The following ETV5 variants were observed in gnomAD, a reference collection of about 807,000 sequenced individuals.
ETV5 encodes ETS translocation variant 5.
In ETV5, 10 loss-of-function variants were observed where a neutral mutation model predicts 70.0. The observed-to-expected ratio is 0.14, with a 90% CI of 0.09 to 0.24. The LOEUF (loss-of-function observed/expected upper bound fraction) is 0.24. Among genes scored for constraint, ETV5 ranks in the 10% least tolerant of loss-of-function variants. The pLI is 1.00. For missense variants in ETV5, 453 were observed against 651.2 expected (o/e 0.70, Z 3.31); for synonymous variants, 216 against 242.2 (o/e 0.89, Z 1.01).
intron 7 of ETV5, among the ~76,000 whole-genome samples, chr3:186,070,371 T>C (rs1713602155): frequency 6.6e-6 from 1 of 152,198 alleles, no homozygotes. Flanking sequence ...CCTTCCAGAA[T>C]GAAACTCTAG....
At position 186,108,920 on chromosome 3, in the gene ETV5, C is replaced by G. The variant is rs950510007; in HGVS notation, c.-75+20G>C. The stretch of plus-strand genomic sequence containing the variant: ...GACGCCCCTTCCGATCTCCCCCCTG[C>G]CCCCGCAAAGCCCCCTCACCTGAGG... On this transcript the variant is annotated intron_variant, in intron 1 of 12. Transcript: ENST00000306376. 6.0e-6 allele frequency: 1 copy of G among 167,738 alleles called. No individual in the cohort carries two copies. Among genetic ancestry groups the G allele is most frequent in the East Asian group, 1.9e-4 (1 of 5,246 alleles). 10.4% of individuals were successfully genotyped at this position (167,738 alleles called of 1,614,324 possible).
At chr3:186,096,752 T>A (rs1019153355) in intron 5 of ETV5, among the ~76,000 whole-genome samples, 1 of 152,150 alleles carries the variant, frequency 6.6e-6, no homozygotes, top group Non-Finnish European at 1.5e-5. Context: ...ATCATTACTA[T>A]TAAGTTTTGT....
chr3:186,049,912 G>A (rs556256535), intron 12 of ETV5, among the ~76,000 whole-genome samples: 6 of 152,210 alleles, frequency 3.9e-5, no homozygotes, highest in African/African-American at 1.4e-4. Flanking sequence ...TCCAGTCCTG[G>A]TTTAGTCACT....
At chr3:186,056,926 G>A (rs1578537698) in intron 11 of ETV5, 149 bp downstream of exon 11, 3 of 746,618 alleles carry the variant, frequency 4.0e-6, no homozygotes, top group Non-Finnish European at 6.4e-6. Flanking sequence ...ATTAATAGGA[G>A]GGATACAGCC....
At chr3:186,067,110 C>T (rs185177763) in intron 7 of ETV5, among the ~76,000 whole-genome samples, 8 of 152,146 alleles carry the variant, frequency 5.3e-5, no homozygotes, top group East Asian at 1.9e-4. Flanking sequence ...ACCTGGCCAA[C>T]GTGCCAAAAC....
At chr3:186,103,510 C>A (rs1036965307) in intron 5 of ETV5, among the ~76,000 whole-genome samples, 8 of 152,244 alleles carry the variant, frequency 5.3e-5, no homozygotes, top group African/African-American at 1.9e-4. Context: ...AAGAAAGCCA[C>A]CTCCCAAACA....
chr3:186,063,032 G>A (rs566484490), intron 9 of ETV5, among the ~76,000 whole-genome samples: 1 of 152,334 alleles, frequency 6.6e-6, no homozygotes, highest in Admixed American at 6.5e-5. Flanking sequence ...AGCACTTTGG[G>A]AGGCCGAGGC....
chr3:186,099,088 T>A (rs542713949), intron 5 of ETV5, among the ~76,000 whole-genome samples: 1 of 152,248 alleles, frequency 6.6e-6, no homozygotes, highest in Non-Finnish European at 1.5e-5. Context: ...TTATTTTCTA[T>A]GCAGAGTCCT....
intron 5 of ETV5, among the ~76,000 whole-genome samples, chr3:186,090,185 A>G (rs775020947): frequency 1.3e-5 from 2 of 152,254 alleles, no homozygotes; most frequent in Non-Finnish European, 2.9e-5. Context: ...ATACGTCGAC[A>G]AATGAAGAAA....
chr3:186,105,984 A>G lies in ETV5; in HGVS notation c.-74-42T>C, dbSNP rs753121456. On this transcript the variant is annotated intron_variant, in intron 1 of 12. Coordinates refer to ENST00000306376, the MANE Select transcript of ETV5 (RefSeq NM_004454.3). This position sits in a 1 kb window ranked among gnomAD's most constrained non-coding sequence, Gnocchi z 4.5. Reference sequence around the variant, plus strand: ...GGAGATTTTAACTAAGAGGGGGGAAAAAAAGAAATGAAACAATTTTAGACT... The same window carrying G: ...GGAGATTTTAACTAAGAGGGGGGAAGAAAAGAAATGAAACAATTTTAGACT... The G allele has an allele frequency of 1.2e-5, 17 of 1,402,104 alleles. No individual in the cohort carries two copies. In the African/African-American group the frequency reaches 1.6e-4, roughly 13 times the overall value. 86.9% of individuals were successfully genotyped at this position (1,402,104 alleles called of 1,614,324 possible). A position where few individuals can be genotyped will look rare whatever the true frequency, so the allele number is the denominator to read the frequency against.
At chr3:186,099,450 G>A (rs1177909104) in intron 5 of ETV5, among the ~76,000 whole-genome samples, 1 of 152,260 alleles carries the variant, frequency 6.6e-6, no homozygotes, top group Admixed American at 6.5e-5. Context: ...GATTCCAAGT[G>A]GAGAAGCACT....
At chr3:186,098,616 A>G (rs1159707554) in intron 5 of ETV5, among the ~76,000 whole-genome samples, 1 of 152,178 alleles carries the variant, frequency 6.6e-6, no homozygotes. Context: ...CTACGCCGAG[A>G]CTTTGCAAAG....
chr3:186,108,081 A>T (rs1295818245), intron 1 of ETV5, among the ~76,000 whole-genome samples: 1 of 151,416 alleles, frequency 6.6e-6, no homozygotes, highest in Non-Finnish European at 1.5e-5. Flanking sequence ...ACATTCATAA[A>T]AACGAGGTGC....
At chr3:186,078,175 C>A in intron 7 of ETV5, 1 of 1,051,478 alleles carries the variant, frequency 9.5e-7, no homozygotes. Flanking sequence ...ATTTGTCTCC[C>A]AACTCAGTTA....
chr3:186,079,776 TGAGG>T, intron 7 of ETV5, 37 bp downstream of exon 7: 1 of 1,565,560 alleles, frequency 6.4e-7, no homozygotes, highest in Non-Finnish European at 8.6e-7. Flanking sequence ...AGGATAGGAG[TGAGG>T]GAGACAATTA....
chr3:186,105,304 C>T lies in ETV5; in HGVS notation c.232+1G>A. On this transcript the variant is annotated splice_donor_variant, in intron 5 of 12. Transcript: ENST00000306376. LOFTEE classifies it high-confidence loss of function. The surrounding 1 kb of genome is among the most constrained non-coding windows in gnomAD (Gnocchi z 4.5). Reference sequence around the variant, plus strand: ...TGTGCCATCACCAGAAAGGTACTTACGGTTATCAGACTGAAAATCTGGGAC... The same window carrying T: ...TGTGCCATCACCAGAAAGGTACTTATGGTTATCAGACTGAAAATCTGGGAC... 1.2e-6 allele frequency: 2 copies of T among 1,611,078 alleles called. No individual in the cohort carries two copies. Among genetic ancestry groups the T allele is most frequent in the Non-Finnish European group, 1.7e-6 (2 of 1,179,098 alleles).
intron 5 of ETV5, chr3:186,084,374 G>A: frequency 5.8e-6 from 2 of 347,042 alleles, no homozygotes; most frequent in East Asian, 7.8e-5. Flanking sequence ...AATTGTAGAA[G>A]AGGGGCCCAC....
chr3:186,083,618 T>C (rs1022085886), intron 5 of ETV5, among the ~76,000 whole-genome samples: 1 of 152,220 alleles, frequency 6.6e-6, no homozygotes, highest in African/African-American at 2.4e-5. Flanking sequence ...CCACATCATT[T>C]TGGCTCTAAA....
At chr3:186,056,135 TCTC>T (rs1311127617) in intron 11 of ETV5, among the ~76,000 whole-genome samples, 1 of 152,218 alleles carries the variant, frequency 6.6e-6, no homozygotes, top group Non-Finnish European at 1.5e-5. Context: ...GGGTGTGTCT[TCTC>T]CACTGAAGAA....
Sources: gnomAD v4.1 joint callset for allele counts (sites outside exome capture counted in the v4.1 genomes callset) on GRCh38, gnomAD v4.1.1 for gene constraint, Gnocchi (gnomAD v3.1) non-coding constraint, MANE v1.5 for transcripts, NCBI Gene and HGNC (gene_info 2026-07-23, HGNC 2026-07-21) for gene names.